PTPRJ: variants seen among roughly 807,000 people sequenced by gnomAD.
The protein encoded by PTPRJ is protein tyrosine phosphatase receptor type J.
In PTPRJ, 129 loss-of-function variants were observed where a neutral mutation model predicts 141.3. The ratio of observed to expected loss-of-function variants is 0.91; its 90% CI spans 0.79 to 1.06. PTPRJ has a LOEUF of 1.06. Among genes scored for constraint, PTPRJ ranks in the 50% least tolerant of loss-of-function variants. PTPRJ has a pLI of 0.00. For synonymous variants in PTPRJ, 610 were observed against 640.5 expected (o/e 0.95, Z 0.72); for missense variants, 1,601 against 1,679.7 (o/e 0.95, Z 0.82).
At chr11:48,149,669 G>T in intron 16 of PTPRJ, 181 bp downstream of exon 16, 2 of 554,700 alleles carry the variant, frequency 3.6e-6, no homozygotes, top group Non-Finnish European at 6.2e-6. Context: ...TTAGTCTCCT[G>T]AAGCTGGCTT....
At chr11:48,050,447 A>G (rs1442881426) in intron 1 of PTPRJ, among the ~76,000 whole-genome samples, 1 of 152,226 alleles carries the variant, frequency 6.6e-6, no homozygotes, top group Non-Finnish European at 1.5e-5. Flanking sequence ...GAATTCATGC[A>G]TAGCATTCTA....
intron 21 of PTPRJ, among the ~76,000 whole-genome samples, chr11:48,157,441 T>A (rs904737367): frequency 1.3e-5 from 2 of 152,242 alleles, no homozygotes; most frequent in African/African-American, 4.8e-5. Flanking sequence ...GCTTGAGGAA[T>A]AGGATTCGAT....
At position 48,153,777 on chromosome 11, in the gene PTPRJ, T is replaced by C; in HGVS notation, c.3139-19T>C. ...TTTGAAGACTAAATAAATGAACACCTCATTTGTTTTGTTTTCAGGATCTGA... is the reference window on the plus strand; with the variant it reads ...TTTGAAGACTAAATAAATGAACACCCCATTTGTTTTGTTTTCAGGATCTGA... On this transcript the variant is annotated intron_variant, in intron 18 of 24. Transcript: ENST00000418331. The C allele has an allele frequency of 6.5e-7, 1 of 1,534,204 alleles. No homozygotes were observed. Among genetic ancestry groups the C allele is most frequent in the South Asian group, 1.1e-5 (1 of 89,396 alleles).
chr11:48,098,421 G>C (rs1304494017), intron 1 of PTPRJ, among the ~76,000 whole-genome samples: 2 of 152,220 alleles, frequency 1.3e-5, no homozygotes, highest in African/African-American at 2.4e-5. Flanking sequence ...GGACACCACA[G>C]GGCCTGCTTT....
chr11:48,079,080 C>T (rs759624521), intron 1 of PTPRJ, among the ~76,000 whole-genome samples: 37 of 151,760 alleles, frequency 2.4e-4, no homozygotes, highest in Non-Finnish European at 4.3e-4. Flanking sequence ...CTTTTGGTTT[C>T]CCTGGGCCAC....
rs986739121 is a variant in PTPRJ at position 48,167,114 on chromosome 11, C to T, written c.3856-90C>T. ...GGGTGGATGGGGTTTGGGAGTTGGG[C>T]GGGGGAATGACCTGTTTGAAAATAA... On this transcript the variant is annotated intron_variant, in intron 24 of 24. Coordinates refer to ENST00000418331, the MANE Select transcript of PTPRJ (RefSeq NM_002843.4). 62 of 1,258,820 alleles carry T rather than the reference C, an allele frequency of 4.9e-5. 1 individual carries two copies. The Middle Eastern group carries it at 9.8e-4, about 20-fold the overall frequency. The allele number at this position is 1,258,820 out of a possible 1,614,324, so 78.0% of individuals were successfully genotyped here. A position where few individuals can be genotyped will look rare whatever the true frequency, so the allele number is the denominator to read the frequency against.
intron 1 of PTPRJ, among the ~76,000 whole-genome samples, chr11:48,092,904 G>A (rs984812574): frequency 1.3e-5 from 2 of 152,172 alleles, no homozygotes; most frequent in African/African-American, 4.8e-5. Context: ...GCAAATTGCC[G>A]TGTTGAGTTA....
At chr11:48,003,072 C>T (rs893863445) in intron 1 of PTPRJ, among the ~76,000 whole-genome samples, 6 of 152,124 alleles carry the variant, frequency 3.9e-5, no homozygotes, top group African/African-American at 1.4e-4. Context: ...AGAGCAGGGA[C>T]CGTTTCAGGT....
intron 1 of PTPRJ, among the ~76,000 whole-genome samples, chr11:48,002,290 G>A (rs888123210): frequency 5.9e-5 from 9 of 151,842 alleles, no homozygotes; most frequent in South Asian, 2.1e-4. Context: ...GGAGGCTGCC[G>A]CCACACCTGG....
At chr11:48,008,940 G>C (rs979309126) in intron 1 of PTPRJ, among the ~76,000 whole-genome samples, 7 of 152,176 alleles carry the variant, frequency 4.6e-5, no homozygotes, top group Admixed American at 3.9e-4. Context: ...TAGCAAAACT[G>C]GGGGGTGGGT....
intron 1 of PTPRJ, among the ~76,000 whole-genome samples, chr11:48,080,283 A>C (rs1429512045): frequency 6.6e-6 from 1 of 152,236 alleles, no homozygotes; most frequent in Non-Finnish European, 1.5e-5. Flanking sequence ...TTTCAAGTGC[A>C]TACCATGTGC....
At chr11:48,010,345 T>A (rs993821397) in intron 1 of PTPRJ, among the ~76,000 whole-genome samples, 2 of 151,296 alleles carry the variant, frequency 1.3e-5, no homozygotes, top group Admixed American at 6.6e-5. Flanking sequence ...GCCCGGCTTA[T>A]TTTTTATATT....
chr11:48,133,065 G>T (rs1393891232), intron 8 of PTPRJ, among the ~76,000 whole-genome samples: 2 of 152,162 alleles, frequency 1.3e-5, no homozygotes, highest in Non-Finnish European at 2.9e-5. Flanking sequence ...TATGCTGGGG[G>T]TCTGCGAAGT....
chr11:48,165,924 G>A (rs890849523), intron 24 of PTPRJ, among the ~76,000 whole-genome samples: 4 of 150,674 alleles, frequency 2.7e-5, no homozygotes, highest in Admixed American at 6.6e-5. Context: ...GCAGTGGTGC[G>A]ATCTCGGCTC....
At chr11:48,007,428 T>C (rs1341350474) in intron 1 of PTPRJ, among the ~76,000 whole-genome samples, 1 of 151,504 alleles carries the variant, frequency 6.6e-6, no homozygotes, top group Admixed American at 6.6e-5. Flanking sequence ...TCTTTTCTTT[T>C]TTTTTTCCTC....
At chr11:48,124,813 CCT>C (rs949941224) in intron 5 of PTPRJ, among the ~76,000 whole-genome samples, 153 bp from the exon 6 acceptor site, 7 of 152,132 alleles carry the variant, frequency 4.6e-5, no homozygotes, top group African/African-American at 7.2e-5. Context: ...TATGGGGCTG[CCT>C]CTCTCTCTGG....
chr11:48,127,930 G>C lies in PTPRJ; in HGVS notation c.1244G>C (p.Ser415Thr). 1 of 1,614,186 alleles carries C rather than the reference G, an allele frequency of 6.2e-7. No individual in the cohort carries two copies. The change falls in exon 7 of 25, where the codon AGT becomes ACT. Residue 415 changes from serine (S) to threonine (T), a missense_variant. Ser to Thr is a moderately conservative substitution (Grantham distance 58). Coordinates refer to ENST00000418331, the MANE Select transcript of PTPRJ (RefSeq NM_002843.4). ...GETDSSNLNV[S>T]EPRAVIPGLR... ...ACAGATTCTTCCAATCTCAACGTCA[G>C]TGAGCCTCGCGCTGTCATCCCCGGA...
intron 1 of PTPRJ, among the ~76,000 whole-genome samples, chr11:48,013,483 T>G (rs1317584493): frequency 6.6e-6 from 1 of 152,158 alleles, no homozygotes; most frequent in Non-Finnish European, 1.5e-5. Flanking sequence ...CTCCCGGAAG[T>G]GCTCAGTAAA....
intron 1 of PTPRJ, among the ~76,000 whole-genome samples, chr11:48,052,283 A>G (rs1001614325): frequency 3.3e-5 from 5 of 152,240 alleles, no homozygotes; most frequent in African/African-American, 1.2e-4. Flanking sequence ...TGCTGGGAGC[A>G]TAGATGGATG....
Sources: allele counts gnomAD v4.1 joint callset (sites outside exome capture counted in the v4.1 genomes callset), GRCh38; gene constraint gnomAD v4.1.1; transcripts MANE v1.5; gene names NCBI Gene and HGNC (gene_info 2026-07-23, HGNC 2026-07-21).